NTAQ1: variants seen among roughly 807,000 people sequenced by gnomAD.
The protein encoded by NTAQ1 is N-terminal glutamine amidase 1.
In NTAQ1, 21 loss-of-function variants were observed where a neutral mutation model predicts 28.2. The ratio of observed to expected loss-of-function variants is 0.74; its 90% CI spans 0.53 to 1.07. The LOEUF (loss-of-function observed/expected upper bound fraction) is 1.07, where lower values mean the gene tolerates loss of function less well. Ranked by LOEUF, NTAQ1 falls within the 50% of genes least tolerant of loss-of-function variation. The pLI is 0.00. For missense variants in NTAQ1, 264 were observed against 256.6 expected, an observed-to-expected ratio of 1.03 and a Z score of -0.20; for synonymous variants, 105 against 90.0, an observed-to-expected ratio of 1.17 and a Z score of -0.94.
intron 6 of NTAQ1, among the ~76,000 whole-genome samples, chr8:123,464,463 G>A (rs1415217938): frequency 6.6e-6 from 1 of 152,204 alleles, no homozygotes; most frequent in Non-Finnish European, 1.5e-5. Context: ...CAGAGTGGCA[G>A]CGGCATGAGG....
At chr8:123,459,378 C>T (rs950894917) in intron 6 of NTAQ1, among the ~76,000 whole-genome samples, 9 of 152,226 alleles carry the variant, frequency 5.9e-5, no homozygotes, top group East Asian at 5.8e-4. Flanking sequence ...TTCTGCTATC[C>T]GGAAGCTCTC....
rs200770421 is a variant in NTAQ1, at chr8:123,428,022, T to C, written c.182T>C (p.Met61Thr). 88 of 1,590,458 alleles carry C rather than the reference T, an allele frequency of 5.5e-5. No homozygotes were observed. In the Middle Eastern group the frequency reaches 1.5e-3, roughly 27 times the overall value. Reference protein sequence around the residue: ...YAVFISNERKMIPIWKQQARP... With the variant: ...YAVFISNERKTIPIWKQQARP... ...GTCTTCATATCTAATGAGAGGAAGA[T>C]GGTAAGTTGGTGAGTGATTGCAGAA... The change falls in exon 2 of 6, where the codon ATG becomes ACG. Residue 61 changes from methionine to threonine, a missense_variant and splice_region_variant. Transcript: ENST00000287387.
downstream of NTAQ1, among the ~76,000 whole-genome samples, chr8:123,444,318 G>A (rs1004474313): frequency 7.9e-5 from 12 of 152,038 alleles, no homozygotes; most frequent in South Asian, 2.1e-4. Flanking sequence ...TCCTGCCTCC[G>A]CTTCCTGAGT....
chr8:123,439,027 T>C (rs1814885770), intron 5 of NTAQ1, among the ~76,000 whole-genome samples: 1 of 152,138 alleles, frequency 6.6e-6, no homozygotes, highest in East Asian at 1.9e-4. Flanking sequence ...ACCTAGTGCA[T>C]CGCAGGCATT....
chr8:123,464,550 G>A (rs915396833), intron 6 of NTAQ1, among the ~76,000 whole-genome samples: 6 of 152,146 alleles, frequency 3.9e-5, no homozygotes, highest in Non-Finnish European at 7.3e-5. Flanking sequence ...CAGGGGTAAG[G>A]GCCAGGAGTG....
downstream of NTAQ1, among the ~76,000 whole-genome samples, chr8:123,449,950 C>T (rs765668134): frequency 0.53 from 22,539 of 42,568 alleles, 5,488 homozygotes; most frequent in Non-Finnish European, 0.59. Context: ...TGTGTGTGTG[C>T]ATATATATAT....
intron 4 of NTAQ1, 115 bp downstream of exon 4, chr8:123,436,716 T>G: frequency 1.8e-6 from 2 of 1,094,764 alleles, no homozygotes; most frequent in South Asian, 3.3e-5. Flanking sequence ...GACATCACCA[T>G]TGAGTTGATG....
chr8:123,417,362 C>G (rs1813362013), intron 1 of NTAQ1, among the ~76,000 whole-genome samples: 1 of 151,940 alleles, frequency 6.6e-6, no homozygotes, highest in Admixed American at 6.6e-5. Context: ...ATATGCCACG[C>G]GTTGTTCTGG....
chr8:123,468,696 T>C (rs956413015), exon 7 of NTAQ1, among the ~76,000 whole-genome samples: 3 of 152,234 alleles, frequency 2.0e-5, no homozygotes, highest in Non-Finnish European at 2.9e-5. Context: ...TGAGATCTTG[T>C]TTTCAGTTCT....
chr8:123,441,324 A>G lies in NTAQ1; in HGVS notation c.527A>G (p.Asn176Ser), dbSNP rs909797192. Residue 176 changes from asparagine to serine, a missense_variant, in exon 6 of 6, where the codon AAC (asparagine) becomes AGC (serine). Physicochemically the swap from Asn to Ser is conservative, Grantham distance 46 (BLOSUM62 1). Transcript: ENST00000287387. ...IETGDSKMNL[N>S]DFISMDPKVG... The stretch of plus-strand genomic sequence containing the variant: ...TTTTTAGATTCCAAAATGAACCTGA[A>G]CGATTTCATCAGTATGGATCCCAAG... 3.1e-6 allele frequency: 5 copies of G among 1,609,060 alleles called. No individual in the cohort carries two copies. The highest frequency in any genetic ancestry group is 4.2e-6 in the Non-Finnish European group (5 of 1,177,630).
intron 6 of NTAQ1, chr8:123,454,854 C>T (rs904625049): frequency 6.6e-6 from 1 of 152,162 alleles, no homozygotes; most frequent in African/African-American, 2.4e-5. Context: ...GCATATGGAC[C>T]CATTTCTTTT....
chr8:123,417,451 G>A (rs1193470153), intron 1 of NTAQ1, among the ~76,000 whole-genome samples: 2 of 152,142 alleles, frequency 1.3e-5, no homozygotes, highest in East Asian at 1.9e-4. Flanking sequence ...TGAAAGATGA[G>A]AGCACTGAAG....
chr8:123,447,078 A>G (rs1815320326), downstream of NTAQ1, among the ~76,000 whole-genome samples: 1 of 152,152 alleles, frequency 6.6e-6, no homozygotes, highest in African/African-American at 2.4e-5. Flanking sequence ...CTTCATTATC[A>G]GAAACCTCAT....
At chr8:123,416,755 C>T (rs1813313083), upstream of NTAQ1, 5 of 1,265,292 alleles carry the variant, frequency 4.0e-6, no homozygotes, top group Non-Finnish European at 5.2e-6. Context: ...CCACCCCACG[C>T]CGGGAACCCA....
At chr8:123,468,573 G>A (rs374015450) in exon 7 of NTAQ1, among the ~76,000 whole-genome samples, 7 of 152,180 alleles carry the variant, frequency 4.6e-5, no homozygotes, top group African/African-American at 1.4e-4. Flanking sequence ...TCCATTGTAT[G>A]TATATATCAC....
intron 1 of NTAQ1, 55 bp downstream of exon 1, chr8:123,416,987 G>T: frequency 8.0e-6 from 11 of 1,382,604 alleles, no homozygotes; most frequent in Non-Finnish European, 1.0e-5. Flanking sequence ...GCGGCGAGTC[G>T]CAACCGGGCC....
chr8:123,456,891 A>G (rs949927484), intron 6 of NTAQ1, among the ~76,000 whole-genome samples: 1 of 152,176 alleles, frequency 6.6e-6, no homozygotes, highest in East Asian at 1.9e-4. Context: ...TATCTTACAG[A>G]TATATACTGC....
chr8:123,445,502 A>T (rs1815242068), downstream of NTAQ1, among the ~76,000 whole-genome samples: 1 of 150,074 alleles, frequency 6.7e-6, no homozygotes, highest in Non-Finnish European at 1.5e-5. Flanking sequence ...ACAGTCCTTT[A>T]TAAGTTGTTT....
intron 6 of NTAQ1, among the ~76,000 whole-genome samples, chr8:123,464,023 G>A (rs373881459): frequency 3.9e-5 from 6 of 152,248 alleles, no homozygotes; most frequent in East Asian, 1.9e-4. Context: ...CTTGCCTGCC[G>A]CCATGTTAAG....
Sources: gnomAD v4.1 joint callset for allele counts (sites outside exome capture counted in the v4.1 genomes callset) on GRCh38, gnomAD v4.1.1 for gene constraint, MANE v1.5 for transcripts, NCBI Gene and HGNC (gene_info 2026-07-23, HGNC 2026-07-21) for gene names.